Variants in EPHA6 observed in about 807,000 individuals in gnomAD.
EPHA6 encodes the protein ephrin type-A receptor 6.
In EPHA6, 50 loss-of-function variants were observed where a neutral mutation model predicts 112.0. That is an observed-to-expected ratio of 0.45 (90% CI 0.36 to 0.56). The LOEUF (loss-of-function observed/expected upper bound fraction) is 0.56, where lower values mean the gene tolerates loss of function less well. Among genes scored for constraint, EPHA6 ranks in the 20% least tolerant of loss-of-function variants. The probability of loss-of-function intolerance (pLI) is 0.00; values close to 1 mark genes in which losing one functional copy is unlikely to be tolerated. For missense variants in EPHA6, 1,280 were observed against 1,417.4 expected, an observed-to-expected ratio of 0.90 and a Z score of 1.56; for synonymous variants, 529 against 490.7, an observed-to-expected ratio of 1.08 and a Z score of -1.03.
At chr3:97,487,539 C>G (rs2091726772) in intron 10 of EPHA6, among the ~76,000 whole-genome samples, 1 of 152,236 alleles carries the variant, frequency 6.6e-6, no homozygotes, top group Admixed American at 6.5e-5. Flanking sequence ...CAATCTTTGT[C>G]CTGAGATTTT....
chr3:97,270,304 A>C (rs2079836035), intron 5 of EPHA6, among the ~76,000 whole-genome samples: 1 of 152,184 alleles, frequency 6.6e-6, no homozygotes, highest in South Asian at 2.1e-4. Context: ...AATATAAAAG[A>C]GGGATCCAAT....
chr3:96,993,093 C>G (rs530655262), intron 3 of EPHA6, among the ~76,000 whole-genome samples: 7 of 152,222 alleles, frequency 4.6e-5, no homozygotes, highest in Non-Finnish European at 1.0e-4. Flanking sequence ...AGTAAATTTT[C>G]TTGAGGGAGA....
At chr3:97,683,502 T>C (rs2032016538) in intron 14 of EPHA6, among the ~76,000 whole-genome samples, 1 of 152,176 alleles carries the variant, frequency 6.6e-6, no homozygotes, top group Non-Finnish European at 1.5e-5. Flanking sequence ...TTGCTTTTCA[T>C]ATTTGGAATA....
intron 2 of EPHA6, among the ~76,000 whole-genome samples, chr3:96,890,657 A>G (rs993592239): frequency 1.3e-5 from 2 of 152,246 alleles, no homozygotes; most frequent in Non-Finnish European, 2.9e-5. Context: ...AAAAATGACT[A>G]AACTGAAAAC....
chr3:97,680,491 A>C (rs1312150635), intron 14 of EPHA6, among the ~76,000 whole-genome samples: 1 of 152,216 alleles, frequency 6.6e-6, no homozygotes, highest in Non-Finnish European at 1.5e-5. Context: ...TACTATTTGC[A>C]ATATAGATAC....
chr3:97,333,217 C>T (rs1375884766), intron 5 of EPHA6, among the ~76,000 whole-genome samples: 2 of 151,536 alleles, frequency 1.3e-5, no homozygotes, highest in Non-Finnish European at 1.5e-5. Context: ...TCAATTTTAC[C>T]TGGAGCAATT....
At chr3:96,828,967 T>A (rs1026495120) in intron 1 of EPHA6, among the ~76,000 whole-genome samples, 2 of 152,186 alleles carry the variant, frequency 1.3e-5, no homozygotes, top group Non-Finnish European at 2.9e-5. Flanking sequence ...TAATGACTTA[T>A]ACAAAGTTGG....
intron 5 of EPHA6, among the ~76,000 whole-genome samples, chr3:97,389,234 T>A (rs2086257405): frequency 6.6e-6 from 1 of 152,192 alleles, no homozygotes; most frequent in Admixed American, 6.6e-5. Context: ...AAGACAGTAG[T>A]AGTGCATACA....
At chr3:97,112,570 A>G in intron 3 of EPHA6, among the ~76,000 whole-genome samples, 1 of 152,110 alleles carries the variant, frequency 6.6e-6, no homozygotes, top group Non-Finnish European at 1.5e-5. Context: ...AAGCACATGA[A>G]GAAAGTCGAT....
chr3:97,537,214 G>T (rs1173029312), intron 11 of EPHA6, among the ~76,000 whole-genome samples: 1 of 152,128 alleles, frequency 6.6e-6, no homozygotes, highest in African/African-American at 2.4e-5. Flanking sequence ...ATTGTATGGG[G>T]TAAAATATTC....
chr3:97,592,497 T>A (rs1390871540), intron 11 of EPHA6, 115 bp from the exon 12 acceptor site: 1 of 1,252,974 alleles, frequency 8.0e-7, no homozygotes, highest in Non-Finnish European at 1.1e-6. Flanking sequence ...TTTAATTTTA[T>A]AACTTCTTCG....
In EPHA6 at chr3:97,484,155, A is replaced by T. The variant is rs371536383; in HGVS notation, c.2200+96A>T. 3.5e-5 allele frequency: 44 copies of T among 1,240,168 alleles called. No homozygotes were observed. In the African/African-American group the frequency reaches 6.5e-4, roughly 18 times the overall value. 76.8% of individuals were successfully genotyped at this position (1,240,168 alleles called of 1,614,324 possible). On this transcript the variant is annotated intron_variant, in intron 10 of 17. Coordinates refer to ENST00000389672, the MANE Select transcript of EPHA6 (RefSeq NM_001080448.3). ...ATCTTAAATCTTGGCAGTTTTGGTC[A>T]TTGAAAAGTTTTAACAAGTGAGAAG...
intron 11 of EPHA6, among the ~76,000 whole-genome samples, chr3:97,547,526 G>A (rs2092970558): frequency 6.6e-6 from 1 of 152,196 alleles, no homozygotes; most frequent in African/African-American, 2.4e-5. Context: ...ACCCAGTTGA[G>A]GAGGCAGTCT....
intron 3 of EPHA6, among the ~76,000 whole-genome samples, chr3:97,158,058 A>G (rs2076329965): frequency 6.6e-6 from 1 of 152,140 alleles, no homozygotes; most frequent in South Asian, 2.1e-4. Context: ...GTTTCCTCCT[A>G]ACATGTTACA....
intron 2 of EPHA6, among the ~76,000 whole-genome samples, chr3:96,894,613 G>A (rs1030468838): frequency 1.3e-5 from 2 of 152,034 alleles, no homozygotes; most frequent in African/African-American, 4.8e-5. Flanking sequence ...GAATGGCATA[G>A]GGAAGAAGAC....
intron 2 of EPHA6, among the ~76,000 whole-genome samples, chr3:96,979,567 G>T (rs2042672777): frequency 6.6e-6 from 1 of 152,204 alleles, no homozygotes; most frequent in South Asian, 2.1e-4. Flanking sequence ...TATATACCCA[G>T]TAATGGGATG....
At chr3:97,180,229 G>A (rs889994961) in intron 3 of EPHA6, among the ~76,000 whole-genome samples, 1 of 152,024 alleles carries the variant, frequency 6.6e-6, no homozygotes, top group Admixed American at 6.6e-5. Context: ...TTAAGGCCAA[G>A]GTCTCTTGCT....
chr3:97,144,257 A>C (rs2075983797), intron 3 of EPHA6, among the ~76,000 whole-genome samples: 1 of 151,752 alleles, frequency 6.6e-6, no homozygotes, highest in South Asian at 2.1e-4. Context: ...ATCAAAAAGA[A>C]GTTTGAGTAT....
chr3:97,586,633 T>A (rs1253145876), intron 11 of EPHA6, among the ~76,000 whole-genome samples: 2 of 151,426 alleles, frequency 1.3e-5, no homozygotes, highest in African/African-American at 2.4e-5. Flanking sequence ...TAAGGATAAA[T>A]GAAATTAGAT....
Sources: gnomAD v4.1 joint callset for allele counts (sites outside exome capture counted in the v4.1 genomes callset) on GRCh38, gnomAD v4.1.1 for gene constraint, MANE v1.5 for transcripts, NCBI Gene and HGNC (gene_info 2026-07-23, HGNC 2026-07-21) for gene names.